MGAT5: variants seen among roughly 807,000 people sequenced by gnomAD.
MGAT5 encodes alpha-1,6-mannosylglycoprotein 6-beta-N-acetylglucosaminyltransferase, also known as alpha-1,6-mannosylglycoprotein 6-beta-N-acetylglucosaminyltransferase A.
A neutral mutation model predicts 94.3 loss-of-function variants in MGAT5; 30 were observed. That is an observed-to-expected ratio of 0.32 (90% CI 0.24 to 0.43). The LOEUF (loss-of-function observed/expected upper bound fraction) is 0.43. Among genes scored for constraint, MGAT5 ranks in the 20% least tolerant of loss-of-function variants. The pLI, the probability that MGAT5 is intolerant of heterozygous loss-of-function variation, is 1.00. For missense variants in MGAT5, 691 were observed against 905.5 expected (o/e 0.76, Z 3.04); for synonymous variants, 310 against 322.9 (o/e 0.96, Z 0.43).
intron 12 of MGAT5, among the ~76,000 whole-genome samples, chr2:134,419,970 A>G (rs1189443942): frequency 6.6e-6 from 1 of 152,234 alleles, no homozygotes; most frequent in African/African-American, 2.4e-5. Context: ...TTCAGAAAAT[A>G]CAGGCATAAA....
intron 1 of MGAT5, among the ~76,000 whole-genome samples, chr2:134,142,749 T>G (rs1686716194): frequency 6.6e-6 from 1 of 152,144 alleles, no homozygotes; most frequent in African/African-American, 2.4e-5. Flanking sequence ...GGGAAGTGTT[T>G]GTTTTGTTTG....
intron 1 of MGAT5, among the ~76,000 whole-genome samples, chr2:134,199,233 C>G (rs1298445105): frequency 6.6e-6 from 1 of 152,176 alleles, no homozygotes; most frequent in Non-Finnish European, 1.5e-5. Context: ...AATTGCACAT[C>G]TTTGCCTCTC....
intron 1 of MGAT5, among the ~76,000 whole-genome samples, chr2:134,161,417 C>T (rs1687726823): frequency 6.6e-6 from 1 of 152,124 alleles, no homozygotes; most frequent in African/African-American, 2.4e-5. Context: ...AGCCTTGTTA[C>T]CTGGTAACTC....
intron 1 of MGAT5, among the ~76,000 whole-genome samples, chr2:134,168,575 A>G (rs753028382): frequency 4.6e-5 from 7 of 152,210 alleles, no homozygotes; most frequent in Non-Finnish European, 1.0e-4. Context: ...GCCCATGTGG[A>G]TGAAAGCCAC....
At chr2:134,256,000 A>G (rs34548395) in intron 1 of MGAT5, among the ~76,000 whole-genome samples, 3,743 of 152,252 alleles carry the variant, frequency 0.025, 50 homozygotes, top group South Asian at 0.038. Context: ...ATATTAGAAG[A>G]TGCTTACTTC....
intron 1 of MGAT5, among the ~76,000 whole-genome samples, chr2:134,182,780 GTTTTTTTTTTT>G (rs5834402): frequency 1.1e-5 from 1 of 87,052 alleles, no homozygotes; most frequent in Non-Finnish European, 2.2e-5. Flanking sequence ...TAGAAGATTA[GTTTTTTTTTTT>G]TTTTTTTTTT....
chr2:134,368,772 C>T (rs1015844069), intron 10 of MGAT5, among the ~76,000 whole-genome samples: 2 of 152,216 alleles, frequency 1.3e-5, no homozygotes, highest in Non-Finnish European at 2.9e-5. Context: ...CTCTGCAAGC[C>T]AGCCACTCCT....
intron 1 of MGAT5, among the ~76,000 whole-genome samples, chr2:134,242,024 C>T (rs1682000755): frequency 6.6e-6 from 1 of 152,142 alleles, no homozygotes; most frequent in East Asian, 1.9e-4. Context: ...AATGAAGGGA[C>T]CTAATGAGCA....
At chr2:134,224,090 A>G (rs944943104) in intron 1 of MGAT5, among the ~76,000 whole-genome samples, 9 of 152,224 alleles carry the variant, frequency 5.9e-5, no homozygotes, top group African/African-American at 2.2e-4. Context: ...TGGAAATGCC[A>G]TTTACAAACT....
chr2:134,413,483 A>G (rs2106332296), intron 12 of MGAT5, among the ~76,000 whole-genome samples: 1 of 152,340 alleles, frequency 6.6e-6, no homozygotes, highest in South Asian at 2.1e-4. Context: ...TTCACCCACC[A>G]TCCCAAGAAG....
In MGAT5 at chr2:134,171,887, C is replaced by T. The variant is rs576788425; in HGVS notation, c.-143+51596C>T. On this transcript the variant is annotated intron_variant, in intron 1 of 16. Coordinates refer to the MGAT5 transcript ENST00000409645. ...AGGGCCAAGTTATGTAGAGTAGTCC[C>T]ATGTTATGCTTTGGGGCCATCAAAA... is the stretch of plus-strand genomic sequence containing the variant. Among the ~76,000 whole-genome samples, 11 of 152,202 alleles carry T rather than the reference C, an allele frequency of 7.2e-5. No homozygotes were observed. The South Asian group carries it at 2.3e-3, about 32-fold the overall frequency.
chr2:134,166,779 A>C (rs962297183), intron 1 of MGAT5, among the ~76,000 whole-genome samples: 5 of 152,298 alleles, frequency 3.3e-5, no homozygotes, highest in African/African-American at 1.2e-4. Flanking sequence ...GTTAAGTTAG[A>C]TGTTGGGTGG....
At chr2:134,132,825 A>C (rs963290614) in intron 1 of MGAT5, among the ~76,000 whole-genome samples, 1 of 152,274 alleles carries the variant, frequency 6.6e-6, no homozygotes, top group East Asian at 1.9e-4. Context: ...CACATGTGGC[A>C]GATGTGAAAA....
chr2:134,331,618 AG>A (rs1553447909), intron 4 of MGAT5, among the ~76,000 whole-genome samples: 2 of 151,958 alleles, frequency 1.3e-5, no homozygotes, highest in Admixed American at 6.6e-5. Context: ...CGTTGACGGC[AG>A]GGGGTTGGTG....
intron 1 of MGAT5, among the ~76,000 whole-genome samples, chr2:134,122,109 CT>C (rs36006435): frequency 1.5e-4 from 23 of 148,808 alleles, no homozygotes; most frequent in Admixed American, 3.3e-4. Flanking sequence ...GCTCTCCTGT[CT>C]TTTTTTTTTT....
At chr2:134,175,873 T>G (rs1573796175) in intron 1 of MGAT5, among the ~76,000 whole-genome samples, 2 of 152,208 alleles carry the variant, frequency 1.3e-5, no homozygotes, top group South Asian at 4.2e-4. Flanking sequence ...CAGGTGGAGG[T>G]GCTTCCTCAG....
chr2:134,316,109 T>C (rs939562263), intron 2 of MGAT5, among the ~76,000 whole-genome samples: 6 of 152,196 alleles, frequency 3.9e-5, no homozygotes, highest in Non-Finnish European at 8.8e-5. Flanking sequence ...CTGGAAAATA[T>C]AGTAGCTCTG....
rs116727399 is a variant in MGAT5, at chr2:134,396,758, C to T, written c.1381-6230C>T. 4.4e-3 allele frequency among the ~76,000 whole-genome samples: 676 copies of T among 152,322 alleles called. 8 individuals carry two copies. The highest frequency in any genetic ancestry group is 0.016 in the African/African-American group (648 of 41,568). The stretch of plus-strand genomic sequence containing the variant: ...TTACTGAGCGCTCGCTCGCCCTGTG[C>T]CAGGCCTCTGCCAAGCCTACTGGTT... On this transcript the variant is annotated intron_variant, in intron 10 of 15. Coordinates refer to ENST00000281923, the MANE Select transcript of MGAT5 (RefSeq NM_002410.5).
At chr2:134,390,560 G>A (rs932995392) in intron 10 of MGAT5, among the ~76,000 whole-genome samples, 1 of 152,090 alleles carries the variant, frequency 6.6e-6, no homozygotes, top group Non-Finnish European at 1.5e-5. Flanking sequence ...TTTGTTTTCA[G>A]AAATTAAAGA....
Sources: allele counts gnomAD v4.1 joint callset (sites outside exome capture counted in the v4.1 genomes callset), GRCh38; gene constraint gnomAD v4.1.1; transcripts MANE v1.5; gene names NCBI Gene and HGNC (gene_info 2026-07-23, HGNC 2026-07-21).